EPM2A: variants seen among roughly 807,000 people sequenced by gnomAD.
EPM2A encodes the protein EPM2A glucan phosphatase, laforin, also known as laforin.
Under a neutral mutation model 26.5 loss-of-function variants are expected in EPM2A, and 21 were observed. That is an observed-to-expected ratio of 0.79 (90% CI 0.56 to 1.14). The LOEUF (loss-of-function observed/expected upper bound fraction) is 1.14, where lower values mean the gene tolerates loss of function less well. EPM2A is among the 50% of genes most tolerant of loss of function. EPM2A has a pLI of 0.00. For synonymous variants in EPM2A, 217 were observed against 177.6 expected, an observed-to-expected ratio of 1.22 and a Z score of -1.76; for missense variants, 458 against 440.8, an observed-to-expected ratio of 1.04 and a Z score of -0.35.
intron 2 of EPM2A, among the ~76,000 whole-genome samples, chr6:145,545,520 A>G (rs551585779): frequency 5.7e-4 from 87 of 152,326 alleles, no homozygotes; most frequent in African/African-American, 2.0e-3. Flanking sequence ...CTATCATTCT[A>G]TAACTGTGAA....
chr6:145,491,004 GT>G lies in EPM2A; in HGVS notation c.555+11517del, dbSNP rs971136542. On this transcript the variant is annotated intron_variant, in intron 4 of 4. Coordinates refer to the EPM2A transcript ENST00000638717. ...TGATGCCTTCATCTTCACTTCAATTGTGCCTTCAGCAATCTCTACCTCAATT... is the reference window on the plus strand; with the variant it reads ...TGATGCCTTCATCTTCACTTCAATTGGCCTTCAGCAATCTCTACCTCAATT... 3.0e-5 allele frequency: 28 copies of G among 922,880 alleles called. No individual in the cohort carries two copies. The African/African-American group carries it at 4.0e-4, about 13-fold the overall frequency. The allele number at this position is 922,880 out of a possible 1,614,324, so 57.2% of individuals were successfully genotyped here.
intron 4 of EPM2A, among the ~76,000 whole-genome samples, chr6:145,454,978 T>C (rs1362848553): frequency 1.3e-5 from 2 of 152,196 alleles, no homozygotes; most frequent in Non-Finnish European, 2.9e-5. Context: ...AAATTGTATA[T>C]ATGTGTATGT....
intron 4 of EPM2A, chr6:145,492,005 G>A (rs956096087): frequency 2.6e-5 from 10 of 390,620 alleles, no homozygotes; most frequent in South Asian, 1.3e-4. Context: ...AACCAGTCCC[G>A]ATCTTGCTGT....
chr6:145,396,242 G>T (rs998176940), intron 4 of EPM2A, among the ~76,000 whole-genome samples: 1 of 152,084 alleles, frequency 6.6e-6, no homozygotes, highest in Non-Finnish European at 1.5e-5. Context: ...TCCTTCCCCA[G>T]TTATGGCTGC....
intron 3 of EPM2A, chr6:145,631,018 T>A (rs1582922168): frequency 6.6e-6 from 1 of 152,392 alleles, no homozygotes; most frequent in Non-Finnish European, 1.5e-5. Context: ...CCCCATCTTG[T>A]CAATCTGGAT....
chr6:145,708,203 T>G (rs1321113258), intron 1 of EPM2A, among the ~76,000 whole-genome samples: 2 of 152,096 alleles, frequency 1.3e-5, no homozygotes, highest in African/African-American at 4.8e-5. Context: ...GTTGGAAAAT[T>G]TGCAGCCTGA....
chr6:145,542,038 T>G (rs1780519372), intron 2 of EPM2A, among the ~76,000 whole-genome samples: 1 of 151,476 alleles, frequency 6.6e-6, no homozygotes, highest in Non-Finnish European at 1.5e-5. Context: ...TGGAGACCAA[T>G]GTGCAATTAG....
At chr6:145,488,939 A>G (rs1779720230) in intron 4 of EPM2A, among the ~76,000 whole-genome samples, 1 of 152,206 alleles carries the variant, frequency 6.6e-6, no homozygotes. Flanking sequence ...ATAGGCAAAA[A>G]TATAAAGTAC....
chr6:145,673,722 G>T (rs80133860), intron 2 of EPM2A, among the ~76,000 whole-genome samples: 3,405 of 152,276 alleles, frequency 0.022, 55 homozygotes, highest in Middle Eastern at 0.034. Context: ...CTGGTGGGGG[G>T]AGGGGAGGGC....
At chr6:145,423,453 A>AC (rs2114685643) in intron 4 of EPM2A, among the ~76,000 whole-genome samples, 1 of 152,268 alleles carries the variant, frequency 6.6e-6, no homozygotes, top group African/African-American at 2.4e-5. Context: ...ATGAGATGGT[A>AC]CCTAAGATAT....
intron 2 of EPM2A, among the ~76,000 whole-genome samples, chr6:145,558,219 T>A (rs764318760): frequency 6.6e-6 from 1 of 151,574 alleles, no homozygotes; most frequent in Non-Finnish European, 1.5e-5. Context: ...TCGTGAGACT[T>A]ATTCAGTACC....
intron 2 of EPM2A, among the ~76,000 whole-genome samples, chr6:145,573,329 T>G (rs1054640270): frequency 6.6e-6 from 1 of 152,234 alleles, no homozygotes; most frequent in Non-Finnish European, 1.5e-5. Context: ...GTGGGCTTTA[T>G]GGACAGGAAT....
In EPM2A at chr6:145,542,781, G is replaced by A. The variant is rs546103906; in HGVS notation, c.341-40206C>T. ...TTTTGTTTTGTTTTGTTTTTGAGAA[G>A]GAGTCTCACTCTTGTTGCCCAGGCT... On this transcript the variant is annotated intron_variant, in intron 2 of 3. Transcript: ENST00000450221. Among the ~76,000 whole-genome samples the A allele has an allele frequency of 3.9e-5, 6 of 152,106 alleles. No individual in the cohort carries two copies. In the South Asian group the frequency reaches 6.2e-4, roughly 16 times the overall value.
At chr6:145,441,010 C>T (rs1779055486) in intron 4 of EPM2A, among the ~76,000 whole-genome samples, 1 of 152,244 alleles carries the variant, frequency 6.6e-6, no homozygotes, top group South Asian at 2.1e-4. Flanking sequence ...ATGGTGACTC[C>T]AAACCCACAT....
intron 4 of EPM2A, chr6:145,490,423 C>T: frequency 2.6e-6 from 2 of 768,738 alleles, no homozygotes; most frequent in South Asian, 2.8e-5. Flanking sequence ...TCTAGCAAAT[C>T]TTTCATGACA....
At chr6:145,472,734 G>T (rs547989666) in intron 4 of EPM2A, among the ~76,000 whole-genome samples, 1 of 152,204 alleles carries the variant, frequency 6.6e-6, no homozygotes, top group South Asian at 2.1e-4. Context: ...TTGAATGCTA[G>T]CTCAGCCACA....
chr6:145,537,771 G>A (rs906078695), intron 2 of EPM2A, among the ~76,000 whole-genome samples: 1 of 150,326 alleles, frequency 6.7e-6, no homozygotes, highest in African/African-American at 2.5e-5. Context: ...CCCCCCGACA[G>A]GCCCCAGTGT....
chr6:145,733,910 C>G (rs1776651047), intron 1 of EPM2A, among the ~76,000 whole-genome samples: 1 of 151,964 alleles, frequency 6.6e-6, no homozygotes. Context: ...TTGACTTCAA[C>G]TATTGAGTCA....
chr6:145,711,502 T>C (rs2128632149), intron 1 of EPM2A, among the ~76,000 whole-genome samples: 1 of 152,278 alleles, frequency 6.6e-6, no homozygotes, highest in Admixed American at 6.5e-5. Context: ...GACAAGAGGA[T>C]ATACAGGTCT....
Sources: allele counts gnomAD v4.1 joint callset (sites outside exome capture counted in the v4.1 genomes callset), GRCh38; gene constraint gnomAD v4.1.1; transcripts MANE v1.5; gene names NCBI Gene and HGNC (gene_info 2026-07-23, HGNC 2026-07-21).